Variants in NBEA observed in about 807,000 individuals in gnomAD.
NBEA encodes the protein lysosomal-trafficking regulator 2.
In NBEA, 44 loss-of-function variants were observed where a neutral mutation model predicts 343.4. The observed-to-expected ratio is 0.13, with a 90% CI of 0.10 to 0.16. The LOEUF (loss-of-function observed/expected upper bound fraction) is 0.16, where lower values mean the gene tolerates loss of function less well. NBEA is among the 10% of genes least tolerant of loss of function. NBEA has a pLI of 1.00. For synonymous variants in NBEA, 1,175 were observed against 1,238.7 expected, an observed-to-expected ratio of 0.95 and a Z score of 1.08; for missense variants, 2,555 against 3,631.3, an observed-to-expected ratio of 0.70 and a Z score of 7.62.
At chr13:35,623,627 A>G (rs2083094609) in intron 48 of NBEA, among the ~76,000 whole-genome samples, 1 of 152,284 alleles carries the variant, frequency 6.6e-6, no homozygotes, top group African/African-American at 2.4e-5. Context: ...AAATAACTAT[A>G]GACATAAATA....
intron 1 of NBEA, among the ~76,000 whole-genome samples, chr13:34,988,206 C>T (rs2060626752): frequency 6.6e-6 from 1 of 151,014 alleles, no homozygotes; most frequent in East Asian, 1.9e-4. Context: ...AGGTGTCAGT[C>T]GGCCCCTACT....
chr13:35,090,022 G>T (rs2064996362), intron 10 of NBEA, among the ~76,000 whole-genome samples: 1 of 150,796 alleles, frequency 6.6e-6, no homozygotes, highest in Non-Finnish European at 1.5e-5. Flanking sequence ...TAACTAATGT[G>T]CATAATGTGC....
rs182223248 is a variant in NBEA at position 35,476,769 on chromosome 13, C to T, written c.6585+4233C>T. ...CGGCCAATCGCCACTGGGCTCGTCA[C>T]GACAGCCTCCTTCAGCTCCAACCCG... On this transcript the variant is annotated intron_variant, in intron 41 of 58. Transcript: ENST00000379939. 150 of 1,040,488 alleles carry T rather than the reference C, an allele frequency of 1.4e-4. 1 individual carries two copies. The African/African-American group carries it at 2.1e-3, about 15-fold the overall frequency. The allele number at this position is 1,040,488 out of a possible 1,614,324, so 64.5% of individuals were successfully genotyped here.
At chr13:34,975,378 C>G (rs148018196) in intron 1 of NBEA, among the ~76,000 whole-genome samples, 1 of 152,116 alleles carries the variant, frequency 6.6e-6, no homozygotes, top group Admixed American at 6.6e-5. Flanking sequence ...CCCTATTCAA[C>G]AGATGGTGCT....
At chr13:35,594,380 T>C (rs1467381489) in intron 47 of NBEA, among the ~76,000 whole-genome samples, 3 of 152,242 alleles carry the variant, frequency 2.0e-5, no homozygotes, top group African/African-American at 7.2e-5. Flanking sequence ...TCAGTGTTAC[T>C]GAACTGTAAT....
chr13:34,980,417 C>CT (rs533555548), intron 1 of NBEA, among the ~76,000 whole-genome samples: 5 of 150,566 alleles, frequency 3.3e-5, no homozygotes, highest in East Asian at 3.9e-4. Context: ...AGAAGTATAA[C>CT]TTTTTTTTAT....
chr13:35,399,658 T>C (rs2042904067), intron 38 of NBEA, among the ~76,000 whole-genome samples: 1 of 152,110 alleles, frequency 6.6e-6, no homozygotes, highest in Admixed American at 6.6e-5. Context: ...GAGAAGAACA[T>C]TTAATTTCCT....
chr13:35,298,209 GTGTATATA>G (rs1472723075), intron 35 of NBEA, among the ~76,000 whole-genome samples: 11,511 of 59,646 alleles, frequency 0.19, 490 homozygotes, highest in Non-Finnish European at 0.26. Context: ...GTGTGTGTGT[GTGTATATA>G]TATATATATA....
chr13:35,089,427 T>A (rs1448429813), intron 10 of NBEA, among the ~76,000 whole-genome samples: 4 of 133,038 alleles, frequency 3.0e-5, no homozygotes, highest in Non-Finnish European at 6.4e-5. Context: ...CTGGAGAGGA[T>A]GTGGAGAAAT....
Position 35,551,042 on chromosome 13 carries a change from T to C in NBEA, c.6806+10T>C. ...GTCTGCCACAAGCCAGGTAATTATA[T>C]CATATTACATATTATCTATGGCTTG... On this transcript the variant is annotated intron_variant, in intron 43 of 58. Coordinates refer to ENST00000379939, the MANE Select transcript of NBEA (RefSeq NM_001385012.1). 2.8e-6 allele frequency: 4 copies of C among 1,454,076 alleles called. No individual in the cohort carries two copies. In the South Asian group the frequency reaches 4.7e-5, roughly 17 times the overall value. The allele number at this position is 1,454,076 out of a possible 1,614,324, so 90.1% of individuals were successfully genotyped here.
chr13:35,463,455 C>T (rs2047012184), intron 40 of NBEA, among the ~76,000 whole-genome samples: 2 of 151,902 alleles, frequency 1.3e-5, no homozygotes, highest in Middle Eastern at 3.4e-3. Context: ...AAACCCCATC[C>T]GTACGAAAAA....
At chr13:35,180,772 C>A (rs2071260499) in intron 28 of NBEA, among the ~76,000 whole-genome samples, 1 of 151,772 alleles carries the variant, frequency 6.6e-6, no homozygotes, top group Non-Finnish European at 1.5e-5. Context: ...GCACCCATCA[C>A]CTGATCAATA....
chr13:35,004,884 A>G (rs1360893874), intron 1 of NBEA, among the ~76,000 whole-genome samples: 1 of 152,230 alleles, frequency 6.6e-6, no homozygotes, highest in African/African-American at 2.4e-5. Flanking sequence ...TAATGCAGCT[A>G]TGCACATGAT....
chr13:34,948,558 G>C (rs2059257433), intron 1 of NBEA, among the ~76,000 whole-genome samples: 2 of 152,094 alleles, frequency 1.3e-5, no homozygotes, highest in African/African-American at 4.8e-5. Flanking sequence ...TTTCAAATCA[G>C]TGTAAGTTGG....
chr13:35,666,850 T>G (rs2085378362), intron 56 of NBEA, among the ~76,000 whole-genome samples: 1 of 152,226 alleles, frequency 6.6e-6, no homozygotes, highest in Admixed American at 6.5e-5. Flanking sequence ...AAAATATCTT[T>G]CTGTAGGCTG....
chr13:35,202,606 C>G (rs2073097660), intron 31 of NBEA, among the ~76,000 whole-genome samples: 1 of 152,038 alleles, frequency 6.6e-6, no homozygotes, highest in African/African-American at 2.4e-5. Context: ...CTGCCAATAC[C>G]CTATCCTTAT....
chr13:35,292,536 G>A (rs1018341902), intron 35 of NBEA, among the ~76,000 whole-genome samples: 1 of 151,948 alleles, frequency 6.6e-6, no homozygotes, highest in African/African-American at 2.4e-5. Flanking sequence ...GGCCGTCTTT[G>A]TGCCAAGGCA....
intron 43 of NBEA, among the ~76,000 whole-genome samples, chr13:35,554,621 A>ACTAC (rs1415051057): frequency 2.0e-5 from 3 of 152,230 alleles, no homozygotes; most frequent in East Asian, 1.9e-4. Flanking sequence ...CAGGTACCTG[A>ACTAC]CTACCTACCT....
chr13:35,455,942 A>C (rs1292201969), intron 40 of NBEA, among the ~76,000 whole-genome samples: 1 of 152,074 alleles, frequency 6.6e-6, no homozygotes, highest in Non-Finnish European at 1.5e-5. Context: ...TATATCATTA[A>C]AGACTCTTCT....
Sources: allele counts gnomAD v4.1 joint callset (sites outside exome capture counted in the v4.1 genomes callset), GRCh38; gene constraint gnomAD v4.1.1; transcripts MANE v1.5; gene names NCBI Gene and HGNC (gene_info 2026-07-23, HGNC 2026-07-21).